OCA2: variants seen among roughly 807,000 people sequenced by gnomAD.
OCA2 encodes the protein P protein.
Under a neutral mutation model 100.2 loss-of-function variants are expected in OCA2, and 77 were observed. That is an observed-to-expected ratio of 0.77 (90% CI 0.64 to 0.93). The LOEUF (loss-of-function observed/expected upper bound fraction) is 0.93, where lower values mean the gene tolerates loss of function less well. OCA2 is among the 40% of genes least tolerant of loss of function. The pLI, the probability that OCA2 is intolerant of heterozygous loss-of-function variation, is 0.00. For missense variants in OCA2, 1,062 were observed against 1,089.1 expected, an observed-to-expected ratio of 0.98 and a Z score of 0.35; for synonymous variants, 432 against 439.2, an observed-to-expected ratio of 0.98 and a Z score of 0.21.
chr15:28,026,522 T>C (rs2042752185), intron 4 of OCA2, among the ~76,000 whole-genome samples: 1 of 152,182 alleles, frequency 6.6e-6, no homozygotes, highest in Admixed American at 6.5e-5. Flanking sequence ...AGGAAGAAGC[T>C]ACAGGCCGTT....
downstream of OCA2, among the ~76,000 whole-genome samples, chr15:27,752,225 C>T (rs114833058): frequency 3.3e-5 from 5 of 152,306 alleles, no homozygotes; most frequent in African/African-American, 4.8e-5. Context: ...GTGTCCTCAC[C>T]GTCCCTGTGG....
chr15:28,026,411 C>T (rs748942632), intron 4 of OCA2, among the ~76,000 whole-genome samples: 1 of 152,182 alleles, frequency 6.6e-6, no homozygotes, highest in Non-Finnish European at 1.5e-5. Context: ...CGCCAGAACC[C>T]CACTCACACA....
chr15:27,896,963 G>C (rs1046279064), intron 19 of OCA2, among the ~76,000 whole-genome samples: 10 of 152,108 alleles, frequency 6.6e-5, no homozygotes, highest in African/African-American at 2.4e-4. Flanking sequence ...GGCCGAGGTG[G>C]GCGGATTACG....
At chr15:28,018,655 A>G (rs1202571735) in intron 6 of OCA2, 98 bp from the exon 7 acceptor site, 1 of 1,195,622 alleles carries the variant, frequency 8.4e-7, no homozygotes, top group Non-Finnish European at 1.2e-6. Flanking sequence ...TGTGTGAAGA[A>G]ATGCGTTTCC....
At chr15:27,881,728 T>A (rs966318734) in intron 19 of OCA2, among the ~76,000 whole-genome samples, 2 of 152,070 alleles carry the variant, frequency 1.3e-5, no homozygotes, top group African/African-American at 2.4e-5. Context: ...CTCTTTATCA[T>A]TTTTTTATTG....
chr15:27,847,838 G>A (rs956778028), intron 22 of OCA2, among the ~76,000 whole-genome samples: 2 of 152,200 alleles, frequency 1.3e-5, no homozygotes, highest in South Asian at 2.1e-4. Context: ...GGTGTTAGCC[G>A]TAGGAAGCAT....
the OCA2 span, among the ~76,000 whole-genome samples, chr15:27,729,072 G>C: frequency 5.9e-5 from 9 of 152,130 alleles, no homozygotes; most frequent in African/African-American, 2.2e-4. Flanking sequence ...ACGCCTGCAA[G>C]ACCTGTAAGC....
intron 21 of OCA2, among the ~76,000 whole-genome samples, chr15:27,856,032 T>C (rs1388467820): frequency 6.6e-6 from 1 of 152,180 alleles, no homozygotes; most frequent in Non-Finnish European, 1.5e-5. Context: ...TGCTCTCTGA[T>C]GGCTCTAGGG....
chr15:28,096,467 G>A (rs2044985513), intron 1 of OCA2, among the ~76,000 whole-genome samples: 1 of 152,206 alleles, frequency 6.6e-6, no homozygotes, highest in Admixed American at 6.5e-5. Flanking sequence ...CCGGATCCCA[G>A]GGAGGGGGCA....
chr15:27,866,551 T>C (rs995925733), intron 21 of OCA2, among the ~76,000 whole-genome samples: 1 of 152,196 alleles, frequency 6.6e-6, no homozygotes, highest in African/African-American at 2.4e-5. Flanking sequence ...TTGCTAAATA[T>C]CTTTTTGGTG....
chr15:28,060,527 C>T lies in OCA2; in HGVS notation c.227+21121G>A, dbSNP rs953741741. 8.5e-5 allele frequency among the ~76,000 whole-genome samples: 13 copies of T among 152,074 alleles called. 1 individual carries two copies. The highest frequency in any genetic ancestry group is 8.3e-4 in the South Asian group (4 of 4,820). On this transcript the variant is annotated intron_variant, in intron 2 of 23. Coordinates refer to ENST00000354638, the MANE Select transcript of OCA2 (RefSeq NM_000275.3). Reference sequence around the variant, plus strand: ...GATTTGCTTTCAAATCAAAGGAAGACGAGGTAACAGCAGGAATGGCACAGA... The same window carrying T: ...GATTTGCTTTCAAATCAAAGGAAGATGAGGTAACAGCAGGAATGGCACAGA...
At chr15:28,092,127 A>G (rs2044879919) in intron 1 of OCA2, among the ~76,000 whole-genome samples, 2 of 152,214 alleles carry the variant, frequency 1.3e-5, no homozygotes, top group African/African-American at 4.8e-5. Flanking sequence ...AAAAGGCCAC[A>G]TATTGCCTGA....
chr15:27,748,590 T>A, the OCA2 span, among the ~76,000 whole-genome samples: 1 of 152,068 alleles, frequency 6.6e-6, no homozygotes, highest in African/African-American at 2.4e-5. Flanking sequence ...TTAAATATAA[T>A]CCATAATGTC....
chr15:27,966,613 A>G (rs923118063), intron 15 of OCA2, 77 bp downstream of exon 15: 80 of 1,555,692 alleles, frequency 5.1e-5, no homozygotes, highest in Non-Finnish European at 6.7e-5. Context: ...ATACTTCCTA[A>G]TAAGAACTTC....
At chr15:28,070,404 C>T (rs2044207964) in intron 2 of OCA2, among the ~76,000 whole-genome samples, 1 of 133,830 alleles carries the variant, frequency 7.5e-6, no homozygotes, top group Non-Finnish European at 1.6e-5. Flanking sequence ...TGAGGAGCCC[C>T]TCAGCCCGGC....
At chr15:27,824,838 C>T (rs1352455822) in intron 23 of OCA2, among the ~76,000 whole-genome samples, 1 of 151,686 alleles carries the variant, frequency 6.6e-6, no homozygotes, top group Non-Finnish European at 1.5e-5. Flanking sequence ...GTCCCTCTGC[C>T]GAAGACAGGC....
chr15:27,782,832 C>T (rs995587781), intron 23 of OCA2, among the ~76,000 whole-genome samples: 2 of 152,236 alleles, frequency 1.3e-5, no homozygotes, highest in Non-Finnish European at 2.9e-5. Context: ...CCCATAGGGG[C>T]TCTAAAGTAA....
intron 15 of OCA2, among the ~76,000 whole-genome samples, chr15:27,960,536 A>T (rs1437453922): frequency 6.6e-6 from 1 of 152,144 alleles, no homozygotes; most frequent in Non-Finnish European, 1.5e-5. Context: ...AGTAACCTTT[A>T]ACTACAGTCA....
At chr15:28,088,470 G>A (rs189437959) in intron 1 of OCA2, among the ~76,000 whole-genome samples, 2 of 152,260 alleles carry the variant, frequency 1.3e-5, no homozygotes, top group African/African-American at 2.4e-5. Context: ...CTTTAAAAGA[G>A]ATACACCAAG....
Sources: gnomAD v4.1 joint callset for allele counts (sites outside exome capture counted in the v4.1 genomes callset) on GRCh38, gnomAD v4.1.1 for gene constraint, MANE v1.5 for transcripts, NCBI Gene and HGNC (gene_info 2026-07-23, HGNC 2026-07-21) for gene names.